DTNA: variants seen among roughly 807,000 people sequenced by gnomAD.
The protein encoded by DTNA is dystrobrevin alpha.
In DTNA, 43 loss-of-function variants were observed where a neutral mutation model predicts 100.7. The ratio of observed to expected loss-of-function variants is 0.43; its 90% CI spans 0.33 to 0.55. The LOEUF is 0.55. Ranked by LOEUF, DTNA falls within the 20% of genes least tolerant of loss-of-function variation. The pLI is 0.04. For missense variants in DTNA, 798 were observed against 953.9 expected, an observed-to-expected ratio of 0.84 and a Z score of 2.15; for synonymous variants, 349 against 347.9, an observed-to-expected ratio of 1.00 and a Z score of -0.04.
In DTNA at chr18:34,540,534, C is replaced by G. The variant is rs1039720340; in HGVS notation, c.-2+47020C>G. Among the ~76,000 whole-genome samples the G allele has an allele frequency of 2.6e-5, 4 of 151,920 alleles. No homozygotes were observed. The East Asian group carries it at 7.8e-4, about 29-fold the overall frequency. On this transcript the variant is annotated intron_variant, in intron 1 of 19. Coordinates refer to the DTNA transcript ENST00000283365. ...CACTCATACAGTGGATGGACAGTGA[C>G]TTTATTAACATCTCTTCAACGTACA... is the stretch of plus-strand genomic sequence containing the variant.
At chr18:34,770,507 C>A (rs2093710148) in intron 3 of DTNA, among the ~76,000 whole-genome samples, 1 of 152,128 alleles carries the variant, frequency 6.6e-6, no homozygotes, top group African/African-American at 2.4e-5. Flanking sequence ...TATGATTTTG[C>A]ATGTGGACAA....
intron 1 of DTNA, among the ~76,000 whole-genome samples, chr18:34,520,767 C>G (rs749222686): frequency 6.6e-6 from 1 of 152,136 alleles, no homozygotes; most frequent in Non-Finnish European, 1.5e-5. Flanking sequence ...CATTGCTGTT[C>G]TCCTGCCATT....
intron 11 of DTNA, among the ~76,000 whole-genome samples, chr18:34,837,682 C>G (rs1304391603): frequency 1.3e-5 from 2 of 152,134 alleles, no homozygotes; most frequent in Non-Finnish European, 2.9e-5. Context: ...ATTTTCAAGT[C>G]TTTCTATCCA....
In DTNA at chr18:34,673,358, C is replaced by T. The variant is rs149502109; in HGVS notation, c.-1-82618C>T. 4.6e-3 allele frequency among the ~76,000 whole-genome samples: 701 copies of T among 152,050 alleles called. 6 individuals carry two copies. Among genetic ancestry groups the T allele is most frequent in the African/African-American group, 0.016 (652 of 41,472 alleles). On this transcript the variant is annotated intron_variant, in intron 1 of 19. Coordinates refer to the DTNA transcript ENST00000283365. ...TTTTGTCATGTTGCCCAGGCTGGTC[C>T]CGAACTCCTGGGTTCAAGGGATCTG...
intron 1 of DTNA, among the ~76,000 whole-genome samples, chr18:34,666,902 C>G (rs1208264728): frequency 2.6e-5 from 4 of 151,978 alleles, no homozygotes; most frequent in South Asian, 2.1e-4. Context: ...CTTGGCGATG[C>G]GGGCTCTTTT....
At chr18:34,839,844 A>G (rs1568723658) in intron 13 of DTNA, among the ~76,000 whole-genome samples, 2 of 152,228 alleles carry the variant, frequency 1.3e-5, no homozygotes, top group African/African-American at 4.8e-5. Context: ...AATGGCAATT[A>G]CATTAAAAGT....
At chr18:34,731,496 A>AG (rs2088206898) in intron 1 of DTNA, among the ~76,000 whole-genome samples, 1 of 152,220 alleles carries the variant, frequency 6.6e-6, no homozygotes, top group Non-Finnish European at 1.5e-5. Flanking sequence ...AAAAAAAAAA[A>AG]AAAGATTTGT....
At chr18:34,538,569 A>G (rs548619252) in intron 1 of DTNA, among the ~76,000 whole-genome samples, 2 of 152,138 alleles carry the variant, frequency 1.3e-5, no homozygotes, top group East Asian at 1.9e-4. Context: ...AAGGAAGTTA[A>G]TAACCTGTTT....
intron 22 of DTNA, 56 bp from the exon 23 acceptor site, chr18:34,887,710 C>T: frequency 3.0e-6 from 3 of 984,946 alleles, no homozygotes; most frequent in Non-Finnish European, 3.6e-6. Flanking sequence ...GTTTCATAAC[C>T]CTAATTTAGA....
intron 1 of DTNA, among the ~76,000 whole-genome samples, chr18:34,655,275 T>C (rs2074209214): frequency 6.6e-6 from 1 of 152,140 alleles, no homozygotes; most frequent in South Asian, 2.1e-4. Context: ...CCTTCTCTCT[T>C]ACATAATTGG....
Position 34,879,715 on chromosome 18 carries a change from G to T in DTNA, c.2158G>T (p.Asp720Tyr). Residue 720 changes from aspartate (D) to tyrosine (Y), a missense_variant, in exon 20 of 23, where the codon GAC becomes TAC. This residue lies in a region of DTNA where 242 missense variants were observed against 238.2 expected (regional missense o/e 1.02). Coordinates refer to ENST00000444659, the MANE Select transcript of DTNA (RefSeq NM_001386795.1). ...AGCTACCACAAGTACCATGCGTGGCGACATGTGAGTATCTTCCGCTTGGAA... is the reference window on the plus strand; with the variant it reads ...AGCTACCACAAGTACCATGCGTGGCTACATGTGAGTATCTTCCGCTTGGAA... ...SGATTSTMRG[D>Y]MVTEDADPYV... The T allele has an allele frequency of 6.2e-7, 1 of 1,613,996 alleles. No individual in the cohort carries two copies.
chr18:34,711,528 T>C (rs993746965), intron 1 of DTNA, among the ~76,000 whole-genome samples: 1 of 152,190 alleles, frequency 6.6e-6, no homozygotes, highest in African/African-American at 2.4e-5. Context: ...ACTGTCCACC[T>C]GAAAAAGTGC....
At chr18:34,658,777 A>G (rs1391312174) in intron 1 of DTNA, among the ~76,000 whole-genome samples, 1 of 152,240 alleles carries the variant, frequency 6.6e-6, no homozygotes, top group Non-Finnish European at 1.5e-5. Context: ...TCCAGAGAAC[A>G]ACACTAATTT....
intron 1 of DTNA, among the ~76,000 whole-genome samples, chr18:34,689,842 C>T (rs1387526352): frequency 1.3e-5 from 2 of 152,196 alleles, no homozygotes; most frequent in South Asian, 2.1e-4. Context: ...AGATGCCCTG[C>T]CCAGAGAGGA....
rs987183186 is a variant in DTNA, at chr18:34,781,500, G to GT, written c.149-12529dup. On this transcript the variant is annotated intron_variant, in intron 3 of 22. Coordinates refer to ENST00000444659, the MANE Select transcript of DTNA (RefSeq NM_001386795.1). ...AAAACTTATCCCATTGGCCTTAAAA[G>GT]TTTTTTTTAACAAAAGATACACTCC... 2.9e-4 allele frequency among the ~76,000 whole-genome samples: 44 copies of GT among 151,796 alleles called. No homozygotes were observed. In the East Asian group the frequency reaches 7.8e-3, roughly 27 times the overall value.
intron 1 of DTNA, among the ~76,000 whole-genome samples, chr18:34,501,314 T>C (rs908434843): frequency 6.6e-5 from 10 of 152,248 alleles, no homozygotes; most frequent in Admixed American, 5.2e-4. Context: ...ATAAACTCCA[T>C]TTATTCATTA....
At chr18:34,620,508 A>G (rs911308756) in intron 1 of DTNA, among the ~76,000 whole-genome samples, 1 of 152,216 alleles carries the variant, frequency 6.6e-6, no homozygotes, top group East Asian at 1.9e-4. Flanking sequence ...GCTATAAATA[A>G]ATACCTGAGA....
In DTNA at chr18:34,791,601, C is replaced by A. The variant is rs74975210; in HGVS notation, c.149-2436C>A. ...GTTGGATAAATAACACCAAGAAATA[C>A]AAATAATTTCCTTGTTGATTAATTC... On this transcript the variant is annotated intron_variant, in intron 3 of 22. Transcript: ENST00000444659. 6.4e-4 allele frequency among the ~76,000 whole-genome samples: 97 copies of A among 152,258 alleles called. No individual in the cohort carries two copies. In the East Asian group the frequency reaches 0.017, roughly 26 times the overall value.
intron 1 of DTNA, among the ~76,000 whole-genome samples, chr18:34,552,564 T>C (rs1168206940): frequency 7.6e-6 from 1 of 132,300 alleles, no homozygotes; most frequent in East Asian, 2.4e-4. Flanking sequence ...GAGTGTGATA[T>C]TCCCCTTCCT....
Sources: gnomAD v4.1 joint callset for allele counts (sites outside exome capture counted in the v4.1 genomes callset) on GRCh38, gnomAD v4.1.1 for gene constraint, gnomAD v4.1.1 regional missense constraint, MANE v1.5 for transcripts, NCBI Gene and HGNC (gene_info 2026-07-23, HGNC 2026-07-21) for gene names.